Variants in PDE11A observed in about 807,000 individuals in gnomAD.
PDE11A encodes phosphodiesterase 11A.
In PDE11A, 100 loss-of-function variants were observed where a neutral mutation model predicts 100.5. The observed-to-expected ratio is 1.00, with a 90% CI of 0.85 to 1.18. The LOEUF is 1.18. PDE11A is among the 50% of genes most tolerant of loss of function. PDE11A has a pLI of 0.00. For synonymous variants in PDE11A, 381 were observed against 420.8 expected, an observed-to-expected ratio of 0.91 and a Z score of 1.16; for missense variants, 1,141 against 1,152.6, an observed-to-expected ratio of 0.99 and a Z score of 0.15.
At chr2:177,728,944 A>G (rs559874250) in intron 10 of PDE11A, among the ~76,000 whole-genome samples, 1 of 152,194 alleles carries the variant, frequency 6.6e-6, no homozygotes, top group Non-Finnish European at 1.5e-5. Context: ...AATCATTTGT[A>G]TGGTGATTTC....
At chr2:177,846,749 C>A (rs760568030) in intron 5 of PDE11A, among the ~76,000 whole-genome samples, 8 of 152,180 alleles carry the variant, frequency 5.3e-5, no homozygotes, top group Non-Finnish European at 1.0e-4. Flanking sequence ...GAGAGGGCAC[C>A]TTTTCCTAAT....
intron 15 of PDE11A, among the ~76,000 whole-genome samples, chr2:177,685,085 C>G (rs1202365023): frequency 2.0e-5 from 3 of 152,062 alleles, no homozygotes; most frequent in Admixed American, 2.0e-4. Flanking sequence ...GCTTGGCCCA[C>G]TTTTGTTCAC....
intron 2 of PDE11A, among the ~76,000 whole-genome samples, chr2:177,923,655 ATAGT>A (rs1017687299): frequency 1.3e-5 from 2 of 152,216 alleles, no homozygotes; most frequent in African/African-American, 4.8e-5. Flanking sequence ...TGGGGACAAG[ATAGT>A]TCTCCAGAGG....
chr2:177,817,903 T>G lies in PDE11A; in HGVS notation c.1599A>C (p.Arg533Ser). 1 of 1,533,868 alleles carries G rather than the reference T, an allele frequency of 6.5e-7. No individual in the cohort carries two copies. Among genetic ancestry groups the G allele is most frequent in the Non-Finnish European group, 9.0e-7 (1 of 1,108,688 alleles). The change falls in exon 8 of 20, where the codon AGA (arginine) becomes AGC (serine). Residue 533 changes from arginine (R) to serine (S), a missense_variant. Transcript: ENST00000286063. Reference sequence around the variant, plus strand: ...CATCATCAAAAGGTTTCCCATCAAGTCTGTTTAACACTTGAGCCACTCCTA... The same window carrying G: ...CATCATCAAAAGGTTTCCCATCAAGGCTGTTTAACACTTGAGCCACTCCTA... The part of the protein sequence containing the change: ...QIIGVAQVLN[R>S]LDGKPFDDAD...
At chr2:177,855,870 T>C (rs1360251464) in intron 5 of PDE11A, among the ~76,000 whole-genome samples, 1 of 149,864 alleles carries the variant, frequency 6.7e-6, no homozygotes, top group African/African-American at 2.5e-5. Context: ...TTTGAAAAGC[T>C]TGTACATATT....
In PDE11A at chr2:178,071,862, G is replaced by GT. The variant is rs2087136247; in HGVS notation, c.575dup (p.Tyr192Ter). ...CATTATGCTTTTTCAGATGGCACTTGTAGTCGATGGCTGTAGGGGGATACC... is the reference window on the plus strand; with the variant it reads ...CATTATGCTTTTTCAGATGGCACTTGTTAGTCGATGGCTGTAGGGGGATACC... ...LPRYPPTAIDYKCHLKKHNER... is the reference protein window; with the variant it reads ...LPRYPPTAID The change falls in exon 1 of 20, where the codon TAC becomes TAAC. Residue 192 changes from tyrosine to a stop codon, truncating the protein, a stop_gained and frameshift_variant. Transcript: ENST00000286063. LOFTEE classifies it high-confidence loss of function. 6 of 1,614,044 alleles carry GT rather than the reference G, an allele frequency of 3.7e-6. No homozygotes were observed. The East Asian group carries it at 1.3e-4, about 36-fold the overall frequency.
intron 17 of PDE11A, among the ~76,000 whole-genome samples, chr2:177,674,837 G>A (rs1039089145): frequency 2.6e-5 from 4 of 152,148 alleles, no homozygotes; most frequent in Non-Finnish European, 4.4e-5. Flanking sequence ...CACACAGTAG[G>A]TGCATCATAA....
chr2:177,835,426 C>A (rs781731570), intron 6 of PDE11A, among the ~76,000 whole-genome samples: 1 of 152,200 alleles, frequency 6.6e-6, no homozygotes, highest in East Asian at 1.9e-4. Context: ...ATACTCCCCT[C>A]GGATGCATCC....
rs191085574 is a variant in PDE11A, at chr2:177,871,557, T to G, written c.1367+4302A>C. On this transcript the variant is annotated intron_variant, in intron 5 of 19. Transcript: ENST00000286063. ...ATTATTATTATTATTATTATTATTATTATTATTATTATTATTTTAAATCTT... is the reference window on the plus strand; with the variant it reads ...ATTATTATTATTATTATTATTATTAGTATTATTATTATTATTTTAAATCTT... Among the ~76,000 whole-genome samples, 995 of 146,898 alleles carry G rather than the reference T, an allele frequency of 6.8e-3. 10 individuals carry two copies. The highest frequency in any genetic ancestry group is 0.024 in the African/African-American group (950 of 40,014).
intron 18 of PDE11A, among the ~76,000 whole-genome samples, chr2:177,666,429 C>G (rs2080583753): frequency 6.6e-6 from 1 of 152,206 alleles, no homozygotes; most frequent in Non-Finnish European, 1.5e-5. Context: ...GGTAGAATTT[C>G]TAAGTCATAT....
chr2:177,999,299 C>G (rs189581178), intron 2 of PDE11A, among the ~76,000 whole-genome samples: 1 of 152,168 alleles, frequency 6.6e-6, no homozygotes, highest in Non-Finnish European at 1.5e-5. Flanking sequence ...ATCCAAGGAT[C>G]GTGGTTCTCT....
At chr2:178,054,799 T>G (rs889290657) in intron 1 of PDE11A, among the ~76,000 whole-genome samples, 4 of 152,174 alleles carry the variant, frequency 2.6e-5, no homozygotes, top group Non-Finnish European at 5.9e-5. Context: ...CACAATGAGA[T>G]ACCATCTCAC....
At chr2:177,847,758 T>C (rs920865517) in intron 5 of PDE11A, among the ~76,000 whole-genome samples, 1 of 152,196 alleles carries the variant, frequency 6.6e-6, no homozygotes, top group Non-Finnish European at 1.5e-5. Context: ...ATGCAGCATG[T>C]TGGTGCCTGA....
chr2:177,901,499 G>A (rs2084698257), intron 3 of PDE11A, among the ~76,000 whole-genome samples: 1 of 152,146 alleles, frequency 6.6e-6, no homozygotes, highest in Admixed American at 6.5e-5. Context: ...CTTTGTCTAG[G>A]CAGCAGGCAA....
At chr2:178,104,096 G>A (rs775387552) in intron 2 of PDE11A, among the ~76,000 whole-genome samples, 4 of 152,150 alleles carry the variant, frequency 2.6e-5, no homozygotes, top group South Asian at 4.1e-4. Flanking sequence ...AAAAACCTAT[G>A]CCATACAAGA....
intron 19 of PDE11A, among the ~76,000 whole-genome samples, chr2:177,637,823 T>G (rs1206545234): frequency 5.3e-5 from 8 of 151,162 alleles, no homozygotes; most frequent in Admixed American, 4.6e-4. Flanking sequence ...TTTTGGATAG[T>G]TTCTGTTGCG....
intron 2 of PDE11A, among the ~76,000 whole-genome samples, chr2:178,001,969 T>C (rs1173807470): frequency 1.3e-5 from 2 of 152,186 alleles, no homozygotes; most frequent in Non-Finnish European, 2.9e-5. Flanking sequence ...GTTACATGGG[T>C]ATATTGTGTG....
intron 15 of PDE11A, chr2:177,686,614 T>G (rs533307927): frequency 6.6e-6 from 1 of 151,480 alleles, no homozygotes; most frequent in East Asian, 1.9e-4. Context: ...GGTGGAACCA[T>G]GTATAACACA....
At chr2:177,787,552 T>C (rs2082556156) in intron 9 of PDE11A, among the ~76,000 whole-genome samples, 1 of 151,728 alleles carries the variant, frequency 6.6e-6, no homozygotes, top group Admixed American at 6.6e-5. Context: ...TAACTTTAAA[T>C]GTAAATGGAC....
Sources: gnomAD v4.1 joint callset for allele counts (sites outside exome capture counted in the v4.1 genomes callset) on GRCh38, gnomAD v4.1.1 for gene constraint, MANE v1.5 for transcripts, NCBI Gene and HGNC (gene_info 2026-07-23, HGNC 2026-07-21) for gene names.